GABRB2: variants seen among roughly 807,000 people sequenced by gnomAD.
The protein encoded by GABRB2 is gamma-aminobutyric acid type A receptor subunit beta2, also known as gamma-aminobutyric acid receptor subunit beta-2.
In GABRB2, 16 loss-of-function variants were observed where a neutral mutation model predicts 54.7. The observed-to-expected ratio is 0.29, with a 90% CI of 0.20 to 0.44. The LOEUF (loss-of-function observed/expected upper bound fraction) is 0.44, where lower values mean the gene tolerates loss of function less well. Among genes scored for constraint, GABRB2 ranks in the 20% least tolerant of loss-of-function variants. GABRB2 has a pLI of 1.00. For missense variants in GABRB2, 355 were observed against 644.0 expected (o/e 0.55, Z 4.86); for synonymous variants, 244 against 233.8 (o/e 1.04, Z -0.40).
intron 3 of GABRB2, among the ~76,000 whole-genome samples, chr5:161,477,359 G>T (rs949512352): frequency 6.7e-6 from 1 of 150,336 alleles, no homozygotes; most frequent in Non-Finnish European, 1.5e-5. Context: ...CTGTTGGTAG[G>T]AAAGTAAAAT....
intron 5 of GABRB2, among the ~76,000 whole-genome samples, chr5:161,372,389 T>C (rs1193629182): frequency 6.6e-6 from 1 of 152,162 alleles, no homozygotes; most frequent in Non-Finnish European, 1.5e-5. Context: ...CCCCCTTTTG[T>C]TGTATACATG....
At chr5:161,492,865 T>G (rs1164637561) in intron 3 of GABRB2, among the ~76,000 whole-genome samples, 2 of 151,808 alleles carry the variant, frequency 1.3e-5, no homozygotes, top group Non-Finnish European at 3.0e-5. Context: ...TACTTTACTC[T>G]TTTTATTTCT....
intron 5 of GABRB2, among the ~76,000 whole-genome samples, chr5:161,371,556 C>G (rs1375670182): frequency 2.0e-5 from 3 of 152,138 alleles, no homozygotes; most frequent in Admixed American, 2.0e-4. Flanking sequence ...TATTCTAGAG[C>G]TGGTTGTCAG....
At chr5:161,493,734 CA>C (rs1759144393) in intron 3 of GABRB2, among the ~76,000 whole-genome samples, 1 of 151,736 alleles carries the variant, frequency 6.6e-6, no homozygotes, top group African/African-American at 2.4e-5. Flanking sequence ...ATGTTTCCAT[CA>C]CATTGTAATG....
At chr5:161,383,936 G>T (rs960061183) in intron 5 of GABRB2, among the ~76,000 whole-genome samples, 2 of 152,202 alleles carry the variant, frequency 1.3e-5, no homozygotes, top group Non-Finnish European at 2.9e-5. Flanking sequence ...CGCGCAAGCT[G>T]GAGTGCAGTG....
intron 3 of GABRB2, among the ~76,000 whole-genome samples, chr5:161,493,243 A>T (rs901293697): frequency 1.3e-5 from 2 of 151,750 alleles, no homozygotes; most frequent in Non-Finnish European, 3.0e-5. Context: ...GCTGAGGAAC[A>T]TTTCACAATG....
intron 5 of GABRB2, among the ~76,000 whole-genome samples, chr5:161,347,122 C>T (rs1257022378): frequency 6.6e-6 from 1 of 152,042 alleles, no homozygotes; most frequent in African/African-American, 2.4e-5. Flanking sequence ...TTTTAAATGG[C>T]CACTAGCTAA....
chr5:161,534,672 CTGG>C, intron 3 of GABRB2, among the ~76,000 whole-genome samples: 1 of 152,184 alleles, frequency 6.6e-6, no homozygotes, highest in East Asian at 1.9e-4. Flanking sequence ...GAAATAGAAA[CTGG>C]CACTGTCAAG....
intron 1 of GABRB2, 65 bp downstream of exon 1, chr5:161,546,502 A>G (rs1232196999): frequency 1.9e-6 from 3 of 1,570,426 alleles, no homozygotes; most frequent in Non-Finnish European, 2.6e-6. Context: ...TTCCCTGCTC[A>G]CAGAGGTATG....
Position 161,433,445 on chromosome 5 carries a change from CAA to C in GABRB2, c.459-22390_459-22389del, listed in dbSNP as rs11354322. Among the ~76,000 whole-genome samples the C allele has an allele frequency of 5.5e-3, 668 of 121,752 alleles. 4 individuals carry two copies. The highest frequency in any genetic ancestry group is 0.016 in the African/African-American group (572 of 35,428). 79.9% of individuals were successfully genotyped at this position (121,752 alleles called of 152,430 possible). On this transcript the variant is annotated intron_variant, in intron 4 of 9. Coordinates refer to ENST00000393959, the MANE Select transcript of GABRB2 (RefSeq NM_001371727.1). Reference sequence around the variant, plus strand: ...CAAAACCCTGTCTCTACTAAAAATACAAAAAAAAAAAAAAAATAGTCGGGCAA... The same window carrying C: ...CAAAACCCTGTCTCTACTAAAAATACAAAAAAAAAAAAAATAGTCGGGCAA...
At chr5:161,372,471 G>C (rs1755161070) in intron 5 of GABRB2, among the ~76,000 whole-genome samples, 1 of 152,082 alleles carries the variant, frequency 6.6e-6, no homozygotes, top group Non-Finnish European at 1.5e-5. Context: ...ATTTGGGGCT[G>C]TTTCTAAAAT....
At chr5:161,440,824 A>G (rs1412258758) in intron 4 of GABRB2, among the ~76,000 whole-genome samples, 1 of 152,200 alleles carries the variant, frequency 6.6e-6, no homozygotes, top group Non-Finnish European at 1.5e-5. Flanking sequence ...ACACACCTAC[A>G]GTGAACCCAT....
rs1757301432 is a variant in GABRB2, at chr5:161,293,868, G to A, written c.*213C>T. The A allele has an allele frequency of 7.4e-6, 4 of 543,716 alleles. No homozygotes were observed. Among genetic ancestry groups the A allele is most frequent in the Non-Finnish European group, 9.8e-6 (3 of 305,130 alleles). 33.7% of individuals were successfully genotyped at this position (543,716 alleles called of 1,614,324 possible). The stretch of plus-strand genomic sequence containing the variant: ...TAGCCACCATGTGTAAAAATCACTT[G>A]CGTTTTAACTGGAAAACCACAAGGA... On this transcript the variant is annotated 3_prime_UTR_variant, in exon 10 of 10. Transcript: ENST00000393959.
intron 4 of GABRB2, among the ~76,000 whole-genome samples, chr5:161,427,824 A>G (rs1757046816): frequency 6.6e-6 from 1 of 152,180 alleles, no homozygotes; most frequent in Non-Finnish European, 1.5e-5. Context: ...CTGGGATGCA[A>G]CATTATAAGT....
chr5:161,328,326 T>G (rs902717214), intron 8 of GABRB2, among the ~76,000 whole-genome samples: 1 of 152,278 alleles, frequency 6.6e-6, no homozygotes, highest in East Asian at 1.9e-4. Context: ...TAATAATGCC[T>G]ACCACTTATT....
At chr5:161,415,922 T>TTTTTGTTTTGTTTTGTTTTG (rs10525407) in intron 4 of GABRB2, among the ~76,000 whole-genome samples, 16 of 146,122 alleles carry the variant, frequency 1.1e-4, no homozygotes, top group East Asian at 4.1e-4. Flanking sequence ...CCCAAGTTTG[T>TTTTTGTTTTGTTTTGTTTTG]TTTTGTTTTG....
At chr5:161,359,821 G>A (rs1176818567) in intron 5 of GABRB2, among the ~76,000 whole-genome samples, 1 of 152,144 alleles carries the variant, frequency 6.6e-6, no homozygotes. Flanking sequence ...GGTGGCTCAT[G>A]CTTGTAATCC....
At position 161,459,740 on chromosome 5, in the gene GABRB2, C is replaced by T; in HGVS notation, c.342G>A (p.Gln114=). ...GGAAATAGGTATCAGGCACCCAGAG[C>T]TGGTCTGCCACTCTGTTGTCCAGAG... ...NLTLDNRVAD[Q]LWVPDTYFLN... The change falls in exon 4 of 10, where the codon CAG becomes CAA. Residue 114 remains glutamine (Q), a synonymous_variant. Transcript: ENST00000393959. 1.2e-6 allele frequency: 2 copies of T among 1,613,862 alleles called. No individual in the cohort carries two copies. The highest frequency in any genetic ancestry group is 2.7e-5 in the African/African-American group (2 of 74,998).
intron 5 of GABRB2, among the ~76,000 whole-genome samples, chr5:161,381,006 GCAGAGACA>G (rs1755449231): frequency 1.3e-5 from 2 of 152,162 alleles, no homozygotes; most frequent in African/African-American, 2.4e-5. Flanking sequence ...CAAAAAACAT[GCAGAGACA>G]CAGAGGCTTG....
Sources: gnomAD v4.1 joint callset for allele counts (sites outside exome capture counted in the v4.1 genomes callset) on GRCh38, gnomAD v4.1.1 for gene constraint, MANE v1.5 for transcripts, NCBI Gene and HGNC (gene_info 2026-07-23, HGNC 2026-07-21) for gene names.